Variants in ERO1A observed in about 807,000 individuals in gnomAD.
ERO1A encodes the protein endoplasmic reticulum oxidoreductase 1 alpha.
A neutral mutation model predicts 76.9 loss-of-function variants in ERO1A; 49 were observed. The ratio of observed to expected loss-of-function variants is 0.64; its 90% CI spans 0.51 to 0.81. The LOEUF (loss-of-function observed/expected upper bound fraction) is 0.81. Among genes scored for constraint, ERO1A ranks in the 30% least tolerant of loss-of-function variants. The pLI, the probability that ERO1A is intolerant of heterozygous loss-of-function variation, is 0.00. For synonymous variants in ERO1A, 174 were observed against 181.2 expected, an observed-to-expected ratio of 0.96 and a Z score of 0.32; for missense variants, 448 against 542.1, an observed-to-expected ratio of 0.83 and a Z score of 1.72.
At chr14:52,652,170 G>C in intron 13 of ERO1A, 69 bp downstream of exon 13, 1 of 973,368 alleles carries the variant, frequency 1.0e-6, no homozygotes, top group South Asian at 1.4e-5. Context: ...ACTTCTATGA[G>C]TACTATATAT....
At chr14:52,680,743 A>T (rs1049447037) in intron 3 of ERO1A, among the ~76,000 whole-genome samples, 7 of 152,346 alleles carry the variant, frequency 4.6e-5, no homozygotes, top group Non-Finnish European at 5.9e-5. Context: ...TAATAGTGAC[A>T]AGGTGTTTCA....
chr14:52,650,376 A>G (rs1322901069), intron 13 of ERO1A, among the ~76,000 whole-genome samples: 1 of 151,756 alleles, frequency 6.6e-6, no homozygotes, highest in Non-Finnish European at 1.5e-5. Context: ...TATCTTAACA[A>G]TATTCTCTAT....
intron 1 of ERO1A, among the ~76,000 whole-genome samples, chr14:52,689,246 G>A (rs781045518): frequency 3.3e-5 from 5 of 152,166 alleles, no homozygotes; most frequent in Non-Finnish European, 5.9e-5. Context: ...GAGCCACTGC[G>A]CCCGGCCCTC....
intron 1 of ERO1A, 112 bp from the exon 2 acceptor site, chr14:52,684,019 C>T (rs2041088831): frequency 1.5e-6 from 1 of 674,232 alleles, no homozygotes; most frequent in East Asian, 2.8e-5. Context: ...CCTTATCCTC[C>T]CTCCTCCCAC....
intron 15 of ERO1A, 29 bp downstream of exon 15, chr14:52,646,125 C>A: frequency 3.8e-6 from 6 of 1,587,660 alleles, no homozygotes; most frequent in Non-Finnish European, 5.1e-6. Flanking sequence ...ACTTGGCTAC[C>A]AGAAGCATTT....
chr14:52,692,445 G>A (rs1181571985), intron 1 of ERO1A, among the ~76,000 whole-genome samples: 3 of 152,108 alleles, frequency 2.0e-5, no homozygotes, highest in Non-Finnish European at 2.9e-5. Flanking sequence ...AGGCAGATGT[G>A]GTAAGAGGGA....
intron 9 of ERO1A, 49 bp from the exon 10 acceptor site, chr14:52,658,199 A>G (rs535398223): frequency 7.4e-7 from 1 of 1,351,242 alleles, no homozygotes; most frequent in East Asian, 2.3e-5. Context: ...ATGCCAAAAT[A>G]CAAGTTTTTC....
chr14:52,673,479 G>A (rs1215440162), intron 4 of ERO1A, among the ~76,000 whole-genome samples: 1 of 152,086 alleles, frequency 6.6e-6, no homozygotes, highest in East Asian at 1.9e-4. Flanking sequence ...ATTTTTCACT[G>A]ATTTAGAACA....
At chr14:52,647,202 A>T (rs1315222736) in intron 13 of ERO1A, 5 of 111,160 alleles carry the variant, frequency 4.5e-5, no homozygotes, top group Non-Finnish European at 6.8e-5. Flanking sequence ...GGGTTTCACC[A>T]TGTTAGCCAG....
intron 6 of ERO1A, among the ~76,000 whole-genome samples, chr14:52,667,685 G>T (rs2040457879): frequency 6.6e-6 from 1 of 152,024 alleles, no homozygotes; most frequent in African/African-American, 2.4e-5. Context: ...TTGCACCACG[G>T]CACTCCAGCC....
rs904779539 is a variant in ERO1A at position 52,695,355 on chromosome 14, G to A, written c.114+13C>T. 1.4e-6 allele frequency: 2 copies of A among 1,424,902 alleles called. No homozygotes were observed. The highest frequency in any genetic ancestry group is 2.9e-5 in the African/African-American group (2 of 68,152). The allele number at this position is 1,424,902 out of a possible 1,614,324, so 88.3% of individuals were successfully genotyped here. ...GCGCCGGGACCCTCAGCACCAACGCGCACATCGCTCACCTGGCAGAAGCAC... is the reference window on the plus strand; with the variant it reads ...GCGCCGGGACCCTCAGCACCAACGCACACATCGCTCACCTGGCAGAAGCAC... On this transcript the variant is annotated intron_variant, in intron 1 of 15. Coordinates refer to ENST00000395686, the MANE Select transcript of ERO1A (RefSeq NM_014584.3).
chr14:52,647,964 C>G (rs537891567), intron 13 of ERO1A, among the ~76,000 whole-genome samples: 3 of 152,118 alleles, frequency 2.0e-5, no homozygotes, highest in African/African-American at 7.2e-5. Flanking sequence ...TGATTGGAAC[C>G]CACTATTCAA....
chr14:52,646,746 G>A, intron 13 of ERO1A: 1 of 264,874 alleles, frequency 3.8e-6, no homozygotes, highest in East Asian at 7.3e-5. Flanking sequence ...CCCACATCTA[G>A]TAAACAAAAA....
At chr14:52,652,218 A>G in intron 13 of ERO1A, 21 bp downstream of exon 13, 1 of 1,394,124 alleles carries the variant, frequency 7.2e-7, no homozygotes, top group Non-Finnish European at 1.0e-6. Flanking sequence ...TGTATCTAAC[A>G]GTTAAGTATA....
At position 52,670,224 on chromosome 14, in the gene ERO1A, C is replaced by G. The variant is rs1424223517; in HGVS notation, c.508+1406G>C. 2.0e-5 allele frequency among the ~76,000 whole-genome samples: 3 copies of G among 152,072 alleles called. No individual in the cohort carries two copies. The East Asian group carries it at 5.8e-4, about 29-fold the overall frequency. Reference sequence around the variant, plus strand: ...CCGTTTTCACTAATTTTTGAAAGAGCGTTAGTCCACTAGAAAAGAGCCACA... The same window carrying G: ...CCGTTTTCACTAATTTTTGAAAGAGGGTTAGTCCACTAGAAAAGAGCCACA... On this transcript the variant is annotated intron_variant, in intron 6 of 15. Transcript: ENST00000395686.
At chr14:52,666,247 G>C (rs2040406014) in intron 7 of ERO1A, 128 bp downstream of exon 7, 1 of 714,588 alleles carries the variant, frequency 1.4e-6, no homozygotes, top group Admixed American at 3.2e-5. Context: ...GAATAGTCAT[G>C]TTTCCTTGTA....
rs2039566459 is a variant in ERO1A at position 52,644,183 on chromosome 14, G to A, written c.1347-553C>T. Among the ~76,000 whole-genome samples the A allele has an allele frequency of 4.6e-5, 7 of 152,266 alleles. No homozygotes were observed. The South Asian group carries it at 1.0e-3, about 23-fold the overall frequency. On this transcript the variant is annotated intron_variant, in intron 15 of 15. Transcript: ENST00000395686. ...TAAATAAATAAAATAGCCAGGTGCA[G>A]TAGCTCATGTCTGTAATCCCAGCGC... is the stretch of plus-strand genomic sequence containing the variant.
At chr14:52,652,412 T>G in intron 12 of ERO1A, 104 bp from the exon 13 acceptor site, 1 of 742,154 alleles carries the variant, frequency 1.3e-6, no homozygotes, top group East Asian at 2.5e-5. Flanking sequence ...GGAGAAAACA[T>G]AGTAAAACCA....
At chr14:52,681,800 C>T (rs1047677935) in intron 3 of ERO1A, among the ~76,000 whole-genome samples, 1 of 151,578 alleles carries the variant, frequency 6.6e-6, no homozygotes, top group Non-Finnish European at 1.5e-5. Context: ...AAAACACACC[C>T]GAAAAAAGAG....
Sources: allele counts gnomAD v4.1 joint callset (sites outside exome capture counted in the v4.1 genomes callset), GRCh38; gene constraint gnomAD v4.1.1; transcripts MANE v1.5; gene names NCBI Gene and HGNC (gene_info 2026-07-23, HGNC 2026-07-21).